Variants in KLRG1 observed in about 807,000 individuals in gnomAD.
The protein encoded by KLRG1 is killer cell lectin-like receptor subfamily G member 1.
KLRG1 carries 16 observed loss-of-function variants against 21.8 expected under a neutral mutation model. That is an observed-to-expected ratio of 0.73 (90% CI 0.50 to 1.11). The LOEUF (loss-of-function observed/expected upper bound fraction) is 1.11, where lower values mean the gene tolerates loss of function less well. Among genes scored for constraint, KLRG1 ranks in the 50% most tolerant of loss-of-function variants. The pLI, the probability that KLRG1 is intolerant of heterozygous loss-of-function variation, is 0.00. For synonymous variants in KLRG1, 69 were observed against 75.9 expected (o/e 0.91, Z 0.47); for missense variants, 173 against 218.3 (o/e 0.79, Z 1.31).
At chr12:9,095,625 T>C in the KLRG1 span, 1 of 1,610,486 alleles carries the variant, frequency 6.2e-7, no homozygotes, top group South Asian at 1.1e-5. Context: ...TGACGATTGA[T>C]GCAGTCTTCA....
chr12:9,023,073 G>A, the KLRG1 span, among the ~76,000 whole-genome samples: 4 of 152,188 alleles, frequency 2.6e-5, no homozygotes, highest in East Asian at 7.7e-4. Flanking sequence ...CCAGCAAATT[G>A]GACCTGAGGA....
At chr12:9,112,352 G>T in the KLRG1 span, 1 of 1,608,038 alleles carries the variant, frequency 6.2e-7, no homozygotes, top group Non-Finnish European at 8.5e-7. Flanking sequence ...TTTTGAAGTT[G>T]TCCTGTCTGT....
At chr12:9,205,566 CAAATCAGTA>C in the KLRG1 span, among the ~76,000 whole-genome samples, 2 of 152,142 alleles carry the variant, frequency 1.3e-5, no homozygotes, top group Admixed American at 1.3e-4. Context: ...GCCCCCATGC[CAAATCAGTA>C]AAATCAGTAA....
chr12:9,094,662 TG>T, the KLRG1 span, among the ~76,000 whole-genome samples: 2 of 152,100 alleles, frequency 1.3e-5, no homozygotes, highest in East Asian at 1.9e-4. Flanking sequence ...AAATATTGGC[TG>T]ATGTTTTGGG....
chr12:8,975,572 TTTTTC>T lies in KLRG1; in HGVS notation c.-155-16629_-155-16625del, dbSNP rs562767648. ...TTTTTTTCTTCTTTCTTTTCTTTTCTTTTTCTTTTGAGACAGGGTCTTGTTCTGTT... is the reference window on the plus strand; with the variant it reads ...TTTTTTTCTTCTTTCTTTTCTTTTCTTTTTGAGACAGGGTCTTGTTCTGTT... On this transcript the variant is annotated intron_variant, in intron 1 of 4. Coordinates refer to the KLRG1 transcript ENST00000539240. Among the ~76,000 whole-genome samples the T allele has an allele frequency of 3.0e-4, 45 of 152,276 alleles. 1 individual carries two copies. In the South Asian group the frequency reaches 8.9e-3, roughly 30 times the overall value.
At chr12:9,029,396 AG>A in the KLRG1 span, among the ~76,000 whole-genome samples, 1 of 152,042 alleles carries the variant, frequency 6.6e-6, no homozygotes, top group Non-Finnish European at 1.5e-5. Context: ...TTGTATTTTT[AG>A]TAGAGACAGG....
At chr12:8,976,719 T>C (rs1946662168) in intron 1 of KLRG1, among the ~76,000 whole-genome samples, 1 of 152,322 alleles carries the variant, frequency 6.6e-6, no homozygotes, top group South Asian at 2.1e-4. Context: ...AATTACCTTT[T>C]TTCTTTAGAG....
At chr12:9,089,056 G>T in the KLRG1 span, 1 of 674,320 alleles carries the variant, frequency 1.5e-6, no homozygotes, top group Non-Finnish European at 2.5e-6. Context: ...GCCTTCCTAA[G>T]AACTATTTTC....
the KLRG1 span, among the ~76,000 whole-genome samples, chr12:9,190,705 T>A: frequency 6.6e-6 from 1 of 152,122 alleles, no homozygotes; most frequent in Non-Finnish European, 1.5e-5. Context: ...ATAAAAGTTT[T>A]AAACATAATA....
chr12:9,056,141 T>C, the KLRG1 span, among the ~76,000 whole-genome samples: 6 of 152,168 alleles, frequency 3.9e-5, no homozygotes, highest in Non-Finnish European at 8.8e-5. Flanking sequence ...ATTTGCTTCA[T>C]CTGAAACACA....
the KLRG1 span, among the ~76,000 whole-genome samples, chr12:9,186,010 G>A: frequency 6.6e-6 from 1 of 151,986 alleles, no homozygotes; most frequent in African/African-American, 2.4e-5. Context: ...GTTTCACCAT[G>A]TTGGCCAGGA....
At chr12:9,149,558 T>G in the KLRG1 span, 3 of 1,612,390 alleles carry the variant, frequency 1.9e-6, no homozygotes, top group South Asian at 3.3e-5. Flanking sequence ...GGTGAACTCT[T>G]ACCTGTGCTG....
At chr12:9,031,166 C>A in the KLRG1 span, among the ~76,000 whole-genome samples, 33 of 152,196 alleles carry the variant, frequency 2.2e-4, no homozygotes, top group Non-Finnish European at 3.7e-4. Context: ...CCAGGGGCAC[C>A]TTTAGGCTGG....
At chr12:9,102,383 T>G in the KLRG1 span, among the ~76,000 whole-genome samples, 1 of 152,054 alleles carries the variant, frequency 6.6e-6, no homozygotes, top group Non-Finnish European at 1.5e-5. Flanking sequence ...CCCAGCTAAT[T>G]TTTTGTATAT....
At chr12:9,028,149 CTTTTT>C in the KLRG1 span, 11 of 484,936 alleles carry the variant, frequency 2.3e-5, no homozygotes, top group Admixed American at 7.0e-5. Flanking sequence ...TCGTCTTCTT[CTTTTT>C]TTTTTTTTTT....
At chr12:9,156,416 G>C in the KLRG1 span, 1 of 157,756 alleles carries the variant, frequency 6.3e-6, no homozygotes, top group African/African-American at 2.4e-5. Flanking sequence ...TGGCTGATGA[G>C]ATCCTGGTAG....
chr12:9,068,252 C>G, the KLRG1 span: 1 of 1,597,998 alleles, frequency 6.3e-7, no homozygotes, highest in Admixed American at 1.7e-5. Flanking sequence ...AACAAAAAAC[C>G]AGAAATCATT....
At chr12:9,113,590 A>G in the KLRG1 span, 14 of 1,567,058 alleles carry the variant, frequency 8.9e-6, no homozygotes, top group Non-Finnish European at 1.2e-5. Context: ...GAAGAGAGGC[A>G]TTGCTATCAA....
the KLRG1 span, among the ~76,000 whole-genome samples, chr12:9,073,247 A>C: frequency 1.1e-4 from 17 of 152,334 alleles, no homozygotes; most frequent in Non-Finnish European, 7.3e-5. Flanking sequence ...AGCAAAGTTC[A>C]GTCTGGCTCT....
Sources: gnomAD v4.1 joint callset for allele counts (sites outside exome capture counted in the v4.1 genomes callset) on GRCh38, gnomAD v4.1.1 for gene constraint, MANE v1.5 for transcripts, NCBI Gene and HGNC (gene_info 2026-07-23, HGNC 2026-07-21) for gene names.